Variants in FGF13 observed in about 807,000 individuals in gnomAD.
The protein encoded by FGF13 is fibroblast growth factor 13.
Under a neutral mutation model 19.5 loss-of-function variants are expected in FGF13, and 2 were observed. That is an observed-to-expected ratio of 0.10 (90% CI 0.04 to 0.32). The LOEUF is 0.32. Ranked by LOEUF, FGF13 falls within the 10% of genes least tolerant of loss-of-function variation. FGF13 has a pLI of 1.00. For synonymous variants in FGF13, 72 were observed against 76.9 expected, an observed-to-expected ratio of 0.94 and a Z score of 0.33; for missense variants, 113 against 192.7, an observed-to-expected ratio of 0.59 and a Z score of 2.45.
chrX:138,763,376 G>A (rs1026265996), intron 3 of FGF13, among the ~76,000 whole-genome samples: 2 of 111,340 alleles, frequency 1.8e-5, no homozygotes, highest in Non-Finnish European at 3.8e-5. Context: ...AATCATGTAT[G>A]TCCTTGCTGG....
chrX:138,830,088 C>A lies in FGF13; in HGVS notation c.217+27424G>T, dbSNP rs192778776. Among the ~76,000 whole-genome samples, 328 of 112,182 alleles carry A rather than the reference C, an allele frequency of 2.9e-3. 1 individual carries two copies. The highest frequency in any genetic ancestry group is 9.8e-3 in the African/African-American group (304 of 30,945). Reference sequence around the variant, plus strand: ...TTTAACAACAGAAAACAAATAAAAACAGAAAATGGGTAATAAAGACGGGAA... The same window carrying A: ...TTTAACAACAGAAAACAAATAAAAAAAGAAAATGGGTAATAAAGACGGGAA... On this transcript the variant is annotated intron_variant, in intron 3 of 6. Transcript: ENST00000436198.
chrX:138,677,361 A>G (rs1301309212), intron 3 of FGF13, among the ~76,000 whole-genome samples: 5 of 110,050 alleles, frequency 4.5e-5, no homozygotes, highest in Non-Finnish European at 7.6e-5. Flanking sequence ...TCTGCACAGC[A>G]AAAGAAACTA....
chrX:139,069,519 C>T lies in FGF13; in HGVS notation c.-113+133897G>A, dbSNP rs1409816720. On this transcript the variant is annotated intron_variant, in intron 1 of 2. Coordinates refer to the FGF13 transcript ENST00000421460. ...GGGAGATATACCTAATGCTAGATGA[C>T]GAGTTCGTGGGTGCAGCGCCCCAGC... Among the ~76,000 whole-genome samples, 23 of 94,984 alleles carry T rather than the reference C, an allele frequency of 2.4e-4. 1 individual carries two copies. The highest frequency in any genetic ancestry group is 1.8e-3 in the South Asian group (3 of 1,684). 82.5% of individuals were successfully genotyped at this position (94,984 alleles called of 115,157 possible).
chrX:138,752,519 T>C (rs764249359), intron 3 of FGF13, among the ~76,000 whole-genome samples: 14 of 112,453 alleles, frequency 1.2e-4, no homozygotes, highest in Non-Finnish European at 2.3e-4. Context: ...TACTCTATAA[T>C]ACAACAAATA....
intron 1 of FGF13, among the ~76,000 whole-genome samples, chrX:138,912,305 G>A (rs1377508035): frequency 1.8e-5 from 2 of 110,644 alleles, no homozygotes; most frequent in South Asian, 3.9e-4. Context: ...GTTTTCTGTC[G>A]GCATTCAGCA....
intron 1 of FGF13, among the ~76,000 whole-genome samples, chrX:139,016,488 G>A (rs977023320): frequency 9.0e-6 from 1 of 111,622 alleles, no homozygotes; most frequent in Admixed American, 9.5e-5. Context: ...AAGTAAAAGT[G>A]TAACATATAT....
intron 3 of FGF13, among the ~76,000 whole-genome samples, chrX:138,746,716 C>T (rs1354238613): frequency 8.9e-6 from 1 of 112,146 alleles, no homozygotes; most frequent in Non-Finnish European, 1.9e-5. Flanking sequence ...CAGTTTCCTG[C>T]TCTGTAAAGT....
At chrX:138,785,587 C>G (rs2090685834) in intron 3 of FGF13, among the ~76,000 whole-genome samples, 1 of 98,667 alleles carries the variant, frequency 1.0e-5, no homozygotes, top group South Asian at 4.8e-4. Context: ...TTGACACAGC[C>G]AACTAGCCAA....
At chrX:138,706,420 C>G (rs2089992932) in intron 2 of FGF13, among the ~76,000 whole-genome samples, 2 of 111,810 alleles carry the variant, frequency 1.8e-5, no homozygotes, top group Non-Finnish European at 3.8e-5. Context: ...CATATGTTTT[C>G]AGAAATGGAT....
At chrX:138,717,600 TTTGTTG>T (rs761968816) in intron 1 of FGF13, among the ~76,000 whole-genome samples, 14 of 110,095 alleles carry the variant, frequency 1.3e-4, no homozygotes, top group African/African-American at 4.3e-4. Context: ...TGCTAGTGTT[TTTGTTG>T]TTGTTGTTGT....
intron 1 of FGF13, among the ~76,000 whole-genome samples, chrX:138,882,799 T>C (rs965423762): frequency 9.0e-6 from 1 of 111,719 alleles, no homozygotes; most frequent in Non-Finnish European, 1.9e-5. Context: ...CATAAACTTG[T>C]TTGAGGAAGG....
chrX:138,742,466 C>T (rs192113925), upstream of FGF13, among the ~76,000 whole-genome samples: 1 of 106,037 alleles, frequency 9.4e-6, no homozygotes, highest in East Asian at 3.1e-4. Context: ...TCAGCCTTTT[C>T]TAATAGATGC....
chrX:138,665,555 G>A (rs996450108), intron 3 of FGF13, among the ~76,000 whole-genome samples: 11 of 111,543 alleles, frequency 9.9e-5, no homozygotes, highest in African/African-American at 1.3e-4. Flanking sequence ...TATCAAAAGC[G>A]TCTAGCGTAC....
chrX:138,963,886 G>C (rs1304620293), intron 1 of FGF13, among the ~76,000 whole-genome samples: 2 of 111,832 alleles, frequency 1.8e-5, no homozygotes, highest in Non-Finnish European at 1.9e-5. Flanking sequence ...AGCTAGCTAT[G>C]CCTCAGTTTC....
At chrX:138,671,100 A>G (rs1034754470) in intron 3 of FGF13, among the ~76,000 whole-genome samples, 1 of 111,334 alleles carries the variant, frequency 9.0e-6, no homozygotes, top group Non-Finnish European at 1.9e-5. Context: ...TATTTAAAAT[A>G]TATTAAAATT....
chrX:138,727,459 C>G (rs1159678796), intron 1 of FGF13, among the ~76,000 whole-genome samples: 1 of 111,253 alleles, frequency 9.0e-6, no homozygotes, highest in Admixed American at 9.6e-5. Context: ...TTTGTTCAAC[C>G]TTCCTGAGAA....
At chrX:138,658,443 T>C (rs1254801302) in intron 3 of FGF13, among the ~76,000 whole-genome samples, 2 of 112,599 alleles carry the variant, frequency 1.8e-5, no homozygotes, top group Non-Finnish European at 3.8e-5. Flanking sequence ...AATTGGACTT[T>C]TTAAAGTAAA....
intron 1 of FGF13, among the ~76,000 whole-genome samples, chrX:139,033,039 A>AC (rs2092234921): frequency 1.9e-5 from 2 of 102,733 alleles, no homozygotes; most frequent in African/African-American, 7.1e-5. Context: ...AAAAAAAAAA[A>AC]AAAAAAAAAA....
chrX:138,662,979 C>T (rs934302387), intron 3 of FGF13, among the ~76,000 whole-genome samples: 10 of 111,220 alleles, frequency 9.0e-5, no homozygotes, highest in African/African-American at 3.3e-4. Flanking sequence ...TAAACTATCT[C>T]TCATTAATAA....
Sources: gnomAD v4.1 joint callset for allele counts (sites outside exome capture counted in the v4.1 genomes callset) on GRCh38, gnomAD v4.1.1 for gene constraint, MANE v1.5 for transcripts, NCBI Gene and HGNC (gene_info 2026-07-23, HGNC 2026-07-21) for gene names.